Variants in RNLS observed in about 807,000 individuals in gnomAD.
The protein encoded by RNLS is renalase, FAD dependent amine oxidase.
A neutral mutation model predicts 39.8 loss-of-function variants in RNLS; 39 were observed. The ratio of observed to expected loss-of-function variants is 0.98; its 90% confidence interval spans 0.76 to 1.28. RNLS has a LOEUF of 1.28. Ranked by LOEUF, RNLS falls within the 50% of genes most tolerant of loss-of-function variation. The pLI is 0.00. For synonymous variants in RNLS, 147 were observed against 150.7 expected (o/e 0.98, Z 0.18); for missense variants, 410 against 413.3 (o/e 0.99, Z 0.07).
chr10:88,474,986 C>G (rs571285436), intron 4 of RNLS, among the ~76,000 whole-genome samples: 7 of 152,138 alleles, frequency 4.6e-5, no homozygotes, highest in East Asian at 3.9e-4. Flanking sequence ...TCAGCTCCCC[C>G]CGGCAACAAG....
chr10:88,421,392 CAT>C (rs1854399455), intron 4 of RNLS, among the ~76,000 whole-genome samples: 1 of 152,198 alleles, frequency 6.6e-6, no homozygotes, highest in Non-Finnish European at 1.5e-5. Context: ...AAGGATCCAA[CAT>C]ATTGCTGTTT....
chr10:88,374,878 C>A (rs1269118821), intron 4 of RNLS, among the ~76,000 whole-genome samples: 1 of 152,094 alleles, frequency 6.6e-6, no homozygotes, highest in African/African-American at 2.4e-5. Flanking sequence ...AGGCAGCAAG[C>A]AAATTATTCT....
At chr10:88,408,089 T>C (rs183436875) in intron 4 of RNLS, among the ~76,000 whole-genome samples, 200 of 152,260 alleles carry the variant, frequency 1.3e-3, no homozygotes, top group Non-Finnish European at 1.6e-3. Flanking sequence ...TTATTAAATG[T>C]GTTTAAACTG....
intron 4 of RNLS, among the ~76,000 whole-genome samples, chr10:88,411,665 C>G (rs890951583): frequency 6.6e-6 from 1 of 152,084 alleles, no homozygotes; most frequent in Non-Finnish European, 1.5e-5. Context: ...CATACAGTCC[C>G]TCATGGAGAA....
intron 5 of RNLS, among the ~76,000 whole-genome samples, chr10:88,323,295 C>T (rs1411718098): frequency 1.3e-5 from 2 of 151,854 alleles, no homozygotes; most frequent in Non-Finnish European, 2.9e-5. Flanking sequence ...TCTAATTAGC[C>T]AAAGCAATCC....
At chr10:88,220,739 A>G in the RNLS span, among the ~76,000 whole-genome samples, 1 of 152,198 alleles carries the variant, frequency 6.6e-6, no homozygotes, top group Non-Finnish European at 1.5e-5. Context: ...CTAAGACAGC[A>G]TGTTTATTCA....
chr10:88,378,143 C>T (rs536765898), intron 4 of RNLS, among the ~76,000 whole-genome samples: 25 of 152,040 alleles, frequency 1.6e-4, no homozygotes, highest in African/African-American at 6.0e-4. Flanking sequence ...TGTTTATCTC[C>T]TATAACAATG....
intron 4 of RNLS, among the ~76,000 whole-genome samples, chr10:88,478,677 C>A (rs1030062000): frequency 6.6e-6 from 1 of 152,086 alleles, no homozygotes; most frequent in Non-Finnish European, 1.5e-5. Context: ...TCCGTTCACT[C>A]GAAATATGCT....
chr10:88,224,529 A>G, the RNLS span, among the ~76,000 whole-genome samples: 95 of 152,362 alleles, frequency 6.2e-4, no homozygotes, highest in African/African-American at 2.2e-3. Flanking sequence ...ATGTTTTGGC[A>G]GAGAGTGGGC....
intron 4 of RNLS, among the ~76,000 whole-genome samples, chr10:88,436,164 T>C (rs1183420708): frequency 6.6e-6 from 1 of 152,064 alleles, no homozygotes; most frequent in Non-Finnish European, 1.5e-5. Flanking sequence ...TCCCTTGCCT[T>C]ATATTCAGAG....
intron 4 of RNLS, among the ~76,000 whole-genome samples, chr10:88,473,417 G>A (rs1843653040): frequency 6.6e-6 from 1 of 151,840 alleles, no homozygotes; most frequent in Non-Finnish European, 1.5e-5. Flanking sequence ...TATTTTTCTG[G>A]GTAGTAAAAC....
intron 4 of RNLS, among the ~76,000 whole-genome samples, chr10:88,480,515 G>A (rs893153420): frequency 5.9e-5 from 9 of 152,174 alleles, no homozygotes; most frequent in South Asian, 2.1e-4. Flanking sequence ...TCTGCCTCCC[G>A]GCTTCAAGCG....
chr10:88,516,868 A>G (rs929513618), intron 4 of RNLS, among the ~76,000 whole-genome samples: 1 of 151,964 alleles, frequency 6.6e-6, no homozygotes, highest in Non-Finnish European at 1.5e-5. Flanking sequence ...CAAACTGTCC[A>G]TTTCCCTTCA....
At chr10:88,442,198 G>A (rs1262442413) in intron 4 of RNLS, among the ~76,000 whole-genome samples, 1 of 152,168 alleles carries the variant, frequency 6.6e-6, no homozygotes, top group South Asian at 2.1e-4. Context: ...GTAGGATTTT[G>A]TTGTTACTTA....
intron 4 of RNLS, among the ~76,000 whole-genome samples, chr10:88,528,984 T>C (rs748649294): frequency 3.3e-5 from 5 of 152,208 alleles, no homozygotes; most frequent in Non-Finnish European, 1.5e-5. Flanking sequence ...AATTTGGCTA[T>C]AAATTAATGC....
chr10:88,416,710 T>G (rs970027882), intron 4 of RNLS, among the ~76,000 whole-genome samples: 1 of 152,224 alleles, frequency 6.6e-6, no homozygotes. Context: ...ATATTACTCC[T>G]CTGCTTAAAA....
intron 4 of RNLS, among the ~76,000 whole-genome samples, chr10:88,446,030 C>T (rs572948654): frequency 2.6e-5 from 4 of 152,162 alleles, no homozygotes; most frequent in South Asian, 2.1e-4. Context: ...AGCACCACAT[C>T]GCACTTATTC....
At chr10:88,386,816 CA>C (rs1004662881) in intron 4 of RNLS, among the ~76,000 whole-genome samples, 1 of 152,102 alleles carries the variant, frequency 6.6e-6, no homozygotes, top group African/African-American at 2.4e-5. Context: ...ACTGAAAGTT[CA>C]AAAAACAGGA....
chr10:88,382,956 A>G (rs1851642280), intron 4 of RNLS, among the ~76,000 whole-genome samples: 1 of 152,124 alleles, frequency 6.6e-6, no homozygotes, highest in Admixed American at 6.5e-5. Context: ...TTTAAAGCAG[A>G]AAAAGGGTTT....
Sources: gnomAD v4.1 joint callset for allele counts (sites outside exome capture counted in the v4.1 genomes callset) on GRCh38, gnomAD v4.1.1 for gene constraint, MANE v1.5 for transcripts, NCBI Gene and HGNC (gene_info 2026-07-23, HGNC 2026-07-21) for gene names.